KLF13: variants seen among roughly 807,000 people sequenced by gnomAD.
KLF13 encodes Krueppel-like factor 13.
KLF13 carries 8 observed loss-of-function variants against 16.7 expected under a neutral mutation model. The observed-to-expected ratio is 0.48, with a 90% CI of 0.28 to 0.87. KLF13 has a LOEUF of 0.87. KLF13 is among the 40% of genes least tolerant of loss of function. The probability of loss-of-function intolerance (pLI) is 0.10; values close to 1 mark genes in which losing one functional copy is unlikely to be tolerated. For synonymous variants in KLF13, 245 were observed against 208.4 expected (o/e 1.18, Z -1.51); for missense variants, 447 against 452.2 (o/e 0.99, Z 0.10).
chr15:31,327,722 C>G lies in KLF13; in HGVS notation c.510C>G (p.His170Gln), dbSNP rs1486972582. The change falls in exon 1 of 2, where the codon CAC becomes CAG. Residue 170 changes from histidine (H) to glutamine (Q), a missense_variant. Coordinates refer to ENST00000307145, the MANE Select transcript of KLF13 (RefSeq NM_015995.4). ...CCCCGCAGAGGAAGCACAAGTGCCA[C>G]TACGCGGGCTGCGAGAAAGTTTACG... The part of the protein sequence containing the change: ...LESPQRKHKC[H>Q]YAGCEKVYGK... 6.5e-7 allele frequency: 1 copy of G among 1,538,528 alleles called. No homozygotes were observed. Among genetic ancestry groups the G allele is most frequent in the Non-Finnish European group, 8.8e-7 (1 of 1,138,720 alleles).
At chr15:31,351,818 G>C (rs967568494) in intron 1 of KLF13, among the ~76,000 whole-genome samples, 3 of 152,140 alleles carry the variant, frequency 2.0e-5, no homozygotes, top group African/African-American at 7.2e-5. Context: ...AAGACTACTG[G>C]CCTGGCCAAC....
intron 1 of KLF13, among the ~76,000 whole-genome samples, chr15:31,426,288 T>C (rs1163985860): frequency 6.6e-6 from 1 of 152,242 alleles, no homozygotes; most frequent in African/African-American, 2.4e-5. Context: ...TTGATTCTTA[T>C]ATCATTTATA....
At chr15:31,336,052 G>A (rs1237280412) in intron 1 of KLF13, among the ~76,000 whole-genome samples, 1 of 152,240 alleles carries the variant, frequency 6.6e-6, no homozygotes, top group Non-Finnish European at 1.5e-5. Flanking sequence ...AGAGGATGAC[G>A]TGGGCTCAGA....
intron 1 of KLF13, among the ~76,000 whole-genome samples, chr15:31,334,766 T>C (rs1160767088): frequency 6.6e-6 from 1 of 152,218 alleles, no homozygotes; most frequent in Non-Finnish European, 1.5e-5. Flanking sequence ...GATTATTTTC[T>C]TGAGAAGTCA....
At chr15:31,328,466 C>T (rs1364525371) in intron 1 of KLF13, among the ~76,000 whole-genome samples, 4 of 151,946 alleles carry the variant, frequency 2.6e-5, no homozygotes, top group Admixed American at 6.5e-5. Context: ...AGCCCCCGCC[C>T]ATCCGGCCCG....
At chr15:31,332,150 C>T (rs2038844930) in intron 1 of KLF13, among the ~76,000 whole-genome samples, 1 of 152,036 alleles carries the variant, frequency 6.6e-6, no homozygotes, top group Non-Finnish European at 1.5e-5. Context: ...GGATTGAGAC[C>T]TAGTGGTGGT....
intron 1 of KLF13, among the ~76,000 whole-genome samples, chr15:31,414,215 C>A (rs1362812735): frequency 6.6e-6 from 1 of 151,810 alleles, no homozygotes; most frequent in African/African-American, 2.4e-5. Context: ...TAAAAAATGA[C>A]ATAAAAATAT....
exon 3 of KLF13, chr15:31,404,438 C>T (rs1374957135): frequency 6.6e-6 from 1 of 152,152 alleles, no homozygotes; most frequent in Admixed American, 6.5e-5. Flanking sequence ...TTGTAAAACG[C>T]ACCAATCAGC....
At chr15:31,329,629 C>T (rs1326241991) in intron 1 of KLF13, among the ~76,000 whole-genome samples, 1 of 152,196 alleles carries the variant, frequency 6.6e-6, no homozygotes, top group Non-Finnish European at 1.5e-5. Context: ...GGCGCAGGGG[C>T]TCTGGAGACC....
intron 1 of KLF13, among the ~76,000 whole-genome samples, chr15:31,411,596 G>A (rs1462599839): frequency 5.4e-5 from 8 of 148,052 alleles, no homozygotes; most frequent in Admixed American, 1.3e-4. Context: ...TAGTAGAGAC[G>A]GGGTTTCACC....
intron 2 of KLF13, among the ~76,000 whole-genome samples, chr15:31,400,118 G>T (rs1357892499): frequency 6.6e-6 from 1 of 152,186 alleles, no homozygotes; most frequent in Non-Finnish European, 1.5e-5. Flanking sequence ...CAGCCTGCCA[G>T]GAGACGAGTC....
At chr15:31,391,886 C>A (rs986106193), upstream of KLF13, among the ~76,000 whole-genome samples, 9 of 152,056 alleles carry the variant, frequency 5.9e-5, no homozygotes, top group African/African-American at 2.2e-4. Flanking sequence ...ACTGCCGGCC[C>A]GGGGGAGGAT....
intron 1 of KLF13, among the ~76,000 whole-genome samples, chr15:31,352,903 G>C (rs1179106953): frequency 1.3e-5 from 2 of 152,174 alleles, no homozygotes; most frequent in African/African-American, 2.4e-5. Context: ...GAGTTTTTGT[G>C]GGGAGGGCAG....
intron 1 of KLF13, among the ~76,000 whole-genome samples, chr15:31,354,363 A>G (rs2039265929): frequency 6.6e-6 from 1 of 152,096 alleles, no homozygotes. Flanking sequence ...CCTTGTCCAT[A>G]TATTAATAGT....
At position 31,382,960 on chromosome 15, in the gene KLF13, G is replaced by T. The variant is rs115577263; in HGVS notation, n.224-52410G>T. ...GCTCCAGGGCTCATTCTTGACCCCT[G>T]CCCCATCATAATGTCTTCCATTCCC... On this transcript the variant is annotated intron_variant and non_coding_transcript_variant, in intron 1 of 1. Coordinates refer to the KLF13 transcript ENST00000558921. Among the ~76,000 whole-genome samples the T allele has an allele frequency of 1.4e-3, 216 of 152,288 alleles. 1 individual carries two copies. The highest frequency in any genetic ancestry group is 4.8e-3 in the African/African-American group (201 of 41,558).
At chr15:31,353,254 T>C (rs538994157) in intron 1 of KLF13, among the ~76,000 whole-genome samples, 2 of 152,316 alleles carry the variant, frequency 1.3e-5, no homozygotes, top group Non-Finnish European at 2.9e-5. Context: ...TGGGGGTGTT[T>C]ACAGCCGCCT....
intron 1 of KLF13, among the ~76,000 whole-genome samples, chr15:31,435,125 T>C (rs1399114021): frequency 6.6e-6 from 1 of 152,192 alleles, no homozygotes; most frequent in Non-Finnish European, 1.5e-5. Context: ...GTGTTTTTAC[T>C]TCTTTTAAGT....
chr15:31,389,143 A>G (rs937575920), upstream of KLF13, among the ~76,000 whole-genome samples: 1 of 152,134 alleles, frequency 6.6e-6, no homozygotes, highest in Non-Finnish European at 1.5e-5. Context: ...AGCCTACTCA[A>G]CATGAAGACA....
intron 1 of KLF13, among the ~76,000 whole-genome samples, chr15:31,422,221 A>G (rs2040337092): frequency 6.6e-6 from 1 of 152,164 alleles, no homozygotes; most frequent in South Asian, 2.1e-4. Context: ...ACAAAGATAC[A>G]TATAGGCTGT....
Sources: allele counts gnomAD v4.1 joint callset (sites outside exome capture counted in the v4.1 genomes callset), GRCh38; gene constraint gnomAD v4.1.1; transcripts MANE v1.5; gene names NCBI Gene and HGNC (gene_info 2026-07-23, HGNC 2026-07-21).